Variants in SV2C observed in about 807,000 individuals in gnomAD.
The protein encoded by SV2C is solute carrier family 22 member B3.
Under a neutral mutation model 79.7 loss-of-function variants are expected in SV2C, and 49 were observed. The observed-to-expected ratio is 0.61, with a 90% CI of 0.49 to 0.78. The LOEUF (loss-of-function observed/expected upper bound fraction) is 0.78. Among genes scored for constraint, SV2C ranks in the 30% least tolerant of loss-of-function variants. The pLI, the probability that SV2C is intolerant of heterozygous loss-of-function variation, is 0.00. For synonymous variants in SV2C, 334 were observed against 333.2 expected (o/e 1.00, Z -0.03); for missense variants, 833 against 912.9 (o/e 0.91, Z 1.13).
intron 2 of SV2C, among the ~76,000 whole-genome samples, chr5:76,182,279 C>T (rs1485022751): frequency 1.3e-5 from 2 of 152,114 alleles, no homozygotes; most frequent in Non-Finnish European, 2.9e-5. Flanking sequence ...CCCAGACCTA[C>T]CCGCCTCTTG....
chr5:76,304,575 GA>G (rs1434616225), intron 12 of SV2C, among the ~76,000 whole-genome samples: 8 of 152,192 alleles, frequency 5.3e-5, no homozygotes, highest in Non-Finnish European at 1.2e-4. Flanking sequence ...AATTTATAAA[GA>G]AGAGAAATTC....
intron 1 of SV2C, among the ~76,000 whole-genome samples, chr5:76,106,992 T>G (rs535974535): frequency 4.5e-4 from 69 of 152,124 alleles, no homozygotes; most frequent in Non-Finnish European, 8.1e-4. Flanking sequence ...ATCTCGTGAG[T>G]GTTAAAAGAA....
chr5:76,127,316 C>T (rs1748738332), intron 1 of SV2C, among the ~76,000 whole-genome samples: 1 of 152,082 alleles, frequency 6.6e-6, no homozygotes, highest in East Asian at 1.9e-4. Flanking sequence ...TGTCATGAAC[C>T]ATCAAAGGAG....
chr5:75,853,462 A>G, the SV2C span, among the ~76,000 whole-genome samples: 1 of 149,462 alleles, frequency 6.7e-6, no homozygotes. Flanking sequence ...AAGCTGAGGC[A>G]GGAGAATGGT....
the SV2C span, among the ~76,000 whole-genome samples, chr5:75,904,713 G>A: frequency 6.6e-6 from 1 of 152,156 alleles, no homozygotes; most frequent in East Asian, 1.9e-4. Flanking sequence ...GTTCCCATCT[G>A]TCATCCTAAC....
At chr5:76,011,043 C>T in the SV2C span, among the ~76,000 whole-genome samples, 1 of 152,132 alleles carries the variant, frequency 6.6e-6, no homozygotes, top group African/African-American at 2.4e-5. Context: ...CTTCCACACC[C>T]ACCAATGTGG....
the SV2C span, among the ~76,000 whole-genome samples, chr5:76,021,908 A>C: frequency 6.6e-6 from 1 of 152,154 alleles, no homozygotes. Flanking sequence ...TCCTGTTCTT[A>C]CAGTCAAAAT....
chr5:76,215,163 G>A (rs764721216), intron 4 of SV2C, among the ~76,000 whole-genome samples: 1 of 152,088 alleles, frequency 6.6e-6, no homozygotes, highest in Non-Finnish European at 1.5e-5. Context: ...TTATGTTAAG[G>A]TACATCAATA....
At chr5:76,084,760 G>C (rs1428433696) in intron 1 of SV2C, among the ~76,000 whole-genome samples, 1 of 151,910 alleles carries the variant, frequency 6.6e-6, no homozygotes, top group Admixed American at 6.6e-5. Context: ...TGCGTCAAAA[G>C]CTCTGGGTTG....
chr5:76,001,758 T>G, the SV2C span, among the ~76,000 whole-genome samples: 1 of 152,192 alleles, frequency 6.6e-6, no homozygotes. Flanking sequence ...CTCTTGAGCT[T>G]CTTGGGAGAG....
chr5:75,936,315 G>T, the SV2C span, among the ~76,000 whole-genome samples: 2 of 152,082 alleles, frequency 1.3e-5, no homozygotes, highest in African/African-American at 4.8e-5. Context: ...AATCATCCTT[G>T]GGTCTATGTC....
the SV2C span, among the ~76,000 whole-genome samples, chr5:75,949,750 C>T: frequency 6.6e-6 from 1 of 152,050 alleles, no homozygotes; most frequent in East Asian, 1.9e-4. Flanking sequence ...ACAGTGAGTC[C>T]ATTAAACCTC....
chr5:75,855,224 C>T, the SV2C span, among the ~76,000 whole-genome samples: 7 of 152,130 alleles, frequency 4.6e-5, no homozygotes, highest in African/African-American at 1.7e-4. Context: ...ATCTTACACA[C>T]ATTTTGGTAG....
intron 12 of SV2C, among the ~76,000 whole-genome samples, chr5:76,350,831 T>C (rs1580094894): frequency 6.6e-6 from 1 of 152,004 alleles, no homozygotes; most frequent in East Asian, 1.9e-4. Flanking sequence ...CTGGCCAACA[T>C]AGTGAAACCC....
At chr5:76,084,829 G>A (rs993694422) in intron 1 of SV2C, among the ~76,000 whole-genome samples, 1 of 151,532 alleles carries the variant, frequency 6.6e-6, no homozygotes, top group Non-Finnish European at 1.5e-5. Context: ...GCAGAGGGGG[G>A]CGGGAGGACT....
At chr5:76,252,557 T>A (rs946232605) in intron 4 of SV2C, among the ~76,000 whole-genome samples, 1 of 152,234 alleles carries the variant, frequency 6.6e-6, no homozygotes, top group Non-Finnish European at 1.5e-5. Flanking sequence ...AGCATCAAGT[T>A]AGTAACCTCT....
the SV2C span, among the ~76,000 whole-genome samples, chr5:76,018,257 A>T: frequency 1.3e-5 from 2 of 152,202 alleles, no homozygotes; most frequent in African/African-American, 4.8e-5. Flanking sequence ...AAATTTTATT[A>T]AAAATGTCTT....
At chr5:75,915,342 A>G in the SV2C span, among the ~76,000 whole-genome samples, 3 of 152,214 alleles carry the variant, frequency 2.0e-5, no homozygotes, top group African/African-American at 7.2e-5. Flanking sequence ...ATAAATGCCA[A>G]TAAATGCAAA....
intron 4 of SV2C, among the ~76,000 whole-genome samples, chr5:76,261,381 T>C (rs1746463032): frequency 6.6e-6 from 1 of 152,216 alleles, no homozygotes; most frequent in African/African-American, 2.4e-5. Context: ...AAACATGTCA[T>C]CTGCAAACAG....
Sources: gnomAD v4.1 joint callset for allele counts (sites outside exome capture counted in the v4.1 genomes callset) on GRCh38, gnomAD v4.1.1 for gene constraint, MANE v1.5 for transcripts, NCBI Gene and HGNC (gene_info 2026-07-23, HGNC 2026-07-21) for gene names.